NSFL1C: variants seen among roughly 807,000 people sequenced by gnomAD.
NSFL1C encodes the protein NSFL1 cofactor p47.
Under a neutral mutation model 43.1 loss-of-function variants are expected in NSFL1C, and 14 were observed. The observed-to-expected ratio is 0.32, with a 90% confidence interval of 0.21 to 0.51. The LOEUF (loss-of-function observed/expected upper bound fraction) is 0.51, where lower values mean the gene tolerates loss of function less well. Ranked by LOEUF, NSFL1C falls within the 20% of genes least tolerant of loss-of-function variation. The probability of loss-of-function intolerance (pLI) is 0.98; values close to 1 mark genes in which losing one functional copy is unlikely to be tolerated. For synonymous variants in NSFL1C, 171 were observed against 183.5 expected (o/e 0.93, Z 0.55); for missense variants, 406 against 472.5 (o/e 0.86, Z 1.30).
rs2090146941 is a variant in NSFL1C, at chr20:1,449,787, CCA to C, written c.785+2704_785+2705del. Among the ~76,000 whole-genome samples, 10 of 152,262 alleles carry C rather than the reference CCA, an allele frequency of 6.6e-5. No homozygotes were observed. The South Asian group carries it at 2.1e-3, about 32-fold the overall frequency. ...TAAACTGGCACTAGGTACTTTCTTG[CCA>C]CAGTTACAAATCCTGAGACCAGCCA... On this transcript the variant is annotated intron_variant, in intron 7 of 8. Coordinates refer to ENST00000216879, the MANE Select transcript of NSFL1C (RefSeq NM_016143.5).
intron 6 of NSFL1C, 36 bp downstream of exon 6, chr20:1,452,995 C>T: frequency 8.9e-7 from 1 of 1,123,460 alleles, no homozygotes; most frequent in East Asian, 2.3e-5. Flanking sequence ...TATCCACTCA[C>T]TGATTTGGGA....
At chr20:1,454,162 A>G in intron 5 of NSFL1C, 51 bp downstream of exon 5, 1 of 1,441,024 alleles carries the variant, frequency 6.9e-7, no homozygotes, top group Non-Finnish European at 9.8e-7. Flanking sequence ...CCTTCAGAAA[A>G]ATGGCAGAAC....
At chr20:1,446,751 C>T (rs1373048919) in intron 7 of NSFL1C, among the ~76,000 whole-genome samples, 1 of 152,198 alleles carries the variant, frequency 6.6e-6, no homozygotes, top group African/African-American at 2.4e-5. Context: ...GTCCACTTCA[C>T]TCCCAGTCTT....
chr20:1,443,811 C>T lies in NSFL1C; in HGVS notation c.1051G>A (p.Glu351Lys). ...TTGGCTTCCTTCAGGGTCTGGCTCTCATCAGCCAGCTCTTTGTTCGGGAAA... is the reference window on the plus strand; with the variant it reads ...TTGGCTTCCTTCAGGGTCTGGCTCTTATCAGCCAGCTCTTTGTTCGGGAAA... ...TTFPNKELAD[E>K]SQTLKEANLL... Residue 351 changes from glutamate (E) to lysine (K), a missense_variant, in exon 9 of 9, where the codon GAG becomes AAG. By Grantham distance (56) the Glu-to-Lys change is moderately conservative. Transcript: ENST00000216879. 2 of 1,614,166 alleles carry T rather than the reference C, an allele frequency of 1.2e-6. No homozygotes were observed. The highest frequency in any genetic ancestry group is 1.7e-6 in the Non-Finnish European group (2 of 1,180,034).
intron 6 of NSFL1C, 147 bp from the exon 7 acceptor site, chr20:1,452,777 G>C: frequency 1.0e-6 from 1 of 1,001,176 alleles, no homozygotes. Context: ...CTACCTGTCT[G>C]CCTCCACCTT....
intron 7 of NSFL1C, among the ~76,000 whole-genome samples, chr20:1,446,498 G>GT (rs779980416): frequency 3.9e-5 from 6 of 152,190 alleles, no homozygotes; most frequent in Admixed American, 2.6e-4. Context: ...GTCAGACACA[G>GT]TGTTAGATTT....
chr20:1,452,585 C>A lies in NSFL1C; in HGVS notation c.693G>T (p.Val231=), dbSNP rs201503135. Residue 231 remains valine (V), a synonymous_variant, in exon 7 of 9, where the codon GTG becomes GTT. Coordinates refer to ENST00000216879, the MANE Select transcript of NSFL1C (RefSeq NM_016143.5). ...CCCGATGGTCCTCCATATCCAAGTT[C>A]ACCTGTCCACCGTGAGCTAGCCTCC... ...ELRRLAHGGQ[V]NLDMEDHRDE... is the part of the protein sequence containing the mutation. 6.2e-7 allele frequency: 1 copy of A among 1,614,078 alleles called. No individual in the cohort carries two copies. Among genetic ancestry groups the A allele is most frequent in the Non-Finnish European group, 8.5e-7 (1 of 1,180,046 alleles).
chr20:1,444,167 G>A (rs762608055), intron 8 of NSFL1C, among the ~76,000 whole-genome samples: 1 of 151,994 alleles, frequency 6.6e-6, no homozygotes, highest in Admixed American at 6.6e-5. Flanking sequence ...CTTTCCCCTC[G>A]TTCTCTTCTG....
In NSFL1C at chr20:1,443,459, G is replaced by A. The variant is rs1333361123; in HGVS notation, c.*290C>T. 1 of 269,254 alleles carries A rather than the reference G, an allele frequency of 3.7e-6. No individual in the cohort carries two copies. The highest frequency in any genetic ancestry group is 2.2e-5 in the African/African-American group (1 of 46,188). The allele number at this position is 269,254 out of a possible 1,614,324, so 16.7% of individuals were successfully genotyped here. A position where few individuals can be genotyped will look rare whatever the true frequency, so the allele number is the denominator to read the frequency against. ...TAAATATAATTTTAAAGCAATTAAA[G>A]CCTGCTTCAGTGGGAGAGTTTCCGT... On this transcript the variant is annotated 3_prime_UTR_variant, in exon 9 of 9. Coordinates refer to ENST00000216879, the MANE Select transcript of NSFL1C (RefSeq NM_016143.5).
chr20:1,465,309 G>C (rs933595295), intron 1 of NSFL1C, among the ~76,000 whole-genome samples: 1 of 152,196 alleles, frequency 6.6e-6, no homozygotes, highest in Non-Finnish European at 1.5e-5. Flanking sequence ...TAATCTGCTG[G>C]GAGGCAGTGT....
At chr20:1,452,334 C>T (rs1231250837) in intron 7 of NSFL1C, among the ~76,000 whole-genome samples, 159 bp downstream of exon 7, 2 of 152,060 alleles carry the variant, frequency 1.3e-5, no homozygotes, top group African/African-American at 4.8e-5. Context: ...TCTGTTAACT[C>T]CAGTCCATGT....
chr20:1,454,411 G>A, intron 4 of NSFL1C, 106 bp from the exon 5 acceptor site: 2 of 795,602 alleles, frequency 2.5e-6, no homozygotes, highest in Non-Finnish European at 4.1e-6. Flanking sequence ...AAGAGGACAG[G>A]GTTCCTGATC....
chr20:1,465,465 T>C (rs1302785371), intron 1 of NSFL1C, among the ~76,000 whole-genome samples: 1 of 152,188 alleles, frequency 6.6e-6, no homozygotes, highest in African/African-American at 2.4e-5. Flanking sequence ...GTCACAACAC[T>C]GTGTGCTTTT....
At chr20:1,456,298 C>T (rs2090299081) in intron 3 of NSFL1C, 1 of 153,136 alleles carries the variant, frequency 6.5e-6, no homozygotes. Flanking sequence ...ACGAGAAAGA[C>T]ATTTAGGAGC....
intron 3 of NSFL1C, chr20:1,457,859 C>T (rs1387840663): frequency 2.3e-5 from 5 of 219,900 alleles, no homozygotes; most frequent in African/African-American, 1.1e-4. Flanking sequence ...CATAACTTCG[C>T]TACTGTGAAG....
chr20:1,455,724 A>G (rs779444870), intron 3 of NSFL1C: 1 of 779,686 alleles, frequency 1.3e-6, no homozygotes, highest in Non-Finnish European at 2.4e-6. Context: ...CTGCTCCTTA[A>G]GTCAGAGCCG....
At chr20:1,450,654 G>A (rs1292246306) in intron 7 of NSFL1C, among the ~76,000 whole-genome samples, 2 of 152,154 alleles carry the variant, frequency 1.3e-5, no homozygotes, top group Non-Finnish European at 1.5e-5. Flanking sequence ...AACTGGTGGT[G>A]GGCATAAAAA....
At chr20:1,454,817 G>A in intron 4 of NSFL1C, 150 bp downstream of exon 4, 1 of 821,808 alleles carries the variant, frequency 1.2e-6, no homozygotes. Flanking sequence ...ACGTTAAAGG[G>A]TGAGATAAAC....
chr20:1,446,065 G>A (rs561994595), intron 7 of NSFL1C: 2 of 574,384 alleles, frequency 3.5e-6, no homozygotes, highest in Admixed American at 3.0e-5. Context: ...CCTCGCTCCT[G>A]AGTAATGTGG....
Sources: allele counts gnomAD v4.1 joint callset (sites outside exome capture counted in the v4.1 genomes callset), GRCh38; gene constraint gnomAD v4.1.1; transcripts MANE v1.5; gene names NCBI Gene and HGNC (gene_info 2026-07-23, HGNC 2026-07-21).